The following PBX1 variants were observed in gnomAD, a reference collection of about 807,000 sequenced individuals.
The protein encoded by PBX1 is pre-B-cell leukemia transcription factor 1.
Under a neutral mutation model 53.4 loss-of-function variants are expected in PBX1, and 6 were observed. That is an observed-to-expected ratio of 0.11 (90% CI 0.06 to 0.22). The LOEUF (loss-of-function observed/expected upper bound fraction) is 0.22, where lower values mean the gene tolerates loss of function less well. Ranked by LOEUF, PBX1 falls within the 10% of genes least tolerant of loss-of-function variation. The probability of loss-of-function intolerance (pLI) is 1.00; values close to 1 mark genes in which losing one functional copy is unlikely to be tolerated. For missense variants in PBX1, 251 were observed against 551.4 expected (o/e 0.46, Z 5.46); for synonymous variants, 204 against 212.3 (o/e 0.96, Z 0.34).
intron 2 of PBX1, among the ~76,000 whole-genome samples, chr1:164,716,792 G>T (rs1214991767): frequency 6.7e-6 from 1 of 150,168 alleles, no homozygotes; most frequent in East Asian, 2.0e-4. Flanking sequence ...GCCAAAACAT[G>T]CATAGTATCT....
intron 5 of PBX1, among the ~76,000 whole-genome samples, chr1:164,808,558 G>A (rs1165249705): frequency 6.6e-6 from 1 of 152,192 alleles, no homozygotes; most frequent in East Asian, 1.9e-4. Context: ...GGAGGGAGTA[G>A]TGAAGGCTAC....
At chr1:164,560,151 A>G (rs114718992) in intron 1 of PBX1, 138 bp downstream of exon 1, 13,719 of 652,726 alleles carry the variant, frequency 0.021, 210 homozygotes, top group Non-Finnish European at 0.026. Flanking sequence ...ACAAGCAACT[A>G]CATGGCGGAG....
At chr1:164,809,202 G>A (rs567065264) in intron 5 of PBX1, among the ~76,000 whole-genome samples, 2 of 152,070 alleles carry the variant, frequency 1.3e-5, no homozygotes, top group Non-Finnish European at 2.9e-5. Context: ...TCAACTTCCT[G>A]TTGAAGGTAA....
intron 2 of PBX1, among the ~76,000 whole-genome samples, chr1:164,883,869 T>C (rs1277177716): frequency 6.6e-6 from 1 of 152,230 alleles, no homozygotes; most frequent in Non-Finnish European, 1.5e-5. Context: ...GGCTGGGTTC[T>C]ATGTACAATT....
intron 2 of PBX1, chr1:164,605,083 G>A (rs961362404): frequency 7.2e-5 from 11 of 152,006 alleles, no homozygotes; most frequent in Non-Finnish European, 1.6e-4. Context: ...CCTAGTCCAG[G>A]GTATTAAATG....
chr1:164,650,164 T>C (rs1187716187), intron 2 of PBX1, among the ~76,000 whole-genome samples: 1 of 151,986 alleles, frequency 6.6e-6, no homozygotes, highest in Non-Finnish European at 1.5e-5. Flanking sequence ...TTGGAGACTT[T>C]TTGGAGATGG....
intron 2 of PBX1, among the ~76,000 whole-genome samples, chr1:164,633,722 A>T (rs1175919333): frequency 6.6e-6 from 1 of 152,194 alleles, no homozygotes; most frequent in Non-Finnish European, 1.5e-5. Context: ...CTTCAATTAC[A>T]TGCTAGTTGT....
chr1:164,667,886 C>T (rs1181994527), intron 2 of PBX1, among the ~76,000 whole-genome samples: 85 of 152,264 alleles, frequency 5.6e-4, no homozygotes, highest in Non-Finnish European at 1.5e-4. Context: ...TTGTTGTTTC[C>T]TAGCCTTTCC....
intron 2 of PBX1, among the ~76,000 whole-genome samples, chr1:164,573,484 CTT>C (rs747696401): frequency 3.8e-4 from 40 of 104,588 alleles, no homozygotes; most frequent in Admixed American, 4.0e-4. Context: ...TACAGCACAT[CTT>C]TTTTTTTTTT....
intron 2 of PBX1, among the ~76,000 whole-genome samples, chr1:164,787,244 T>G (rs1460200020): frequency 6.6e-6 from 1 of 152,164 alleles, no homozygotes; most frequent in Non-Finnish European, 1.5e-5. Context: ...ACCTTGTGCC[T>G]TTCCCCAGAC....
At chr1:164,855,959 A>G (rs1164000789), downstream of PBX1, among the ~76,000 whole-genome samples, 1 of 152,196 alleles carries the variant, frequency 6.6e-6, no homozygotes, top group Admixed American at 6.5e-5. Flanking sequence ...TGGTATTCAT[A>G]TACATATTTG....
chr1:164,729,614 A>G (rs1482733367), intron 2 of PBX1, among the ~76,000 whole-genome samples: 2 of 152,214 alleles, frequency 1.3e-5, no homozygotes, highest in Non-Finnish European at 2.9e-5. Flanking sequence ...TTTTGAAAGA[A>G]GTAGATATGG....
intron 2 of PBX1, among the ~76,000 whole-genome samples, chr1:164,859,414 C>G (rs1210823541): frequency 1.3e-5 from 2 of 152,158 alleles, no homozygotes; most frequent in Non-Finnish European, 2.9e-5. Flanking sequence ...AACCATTTAT[C>G]CTCTGCACCC....
At position 164,848,526 on chromosome 1, in the gene PBX1, C is replaced by G. The variant is rs1000180944; in HGVS notation, c.*1850C>G. On this transcript the variant is annotated 3_prime_UTR_variant, in exon 9 of 9. Coordinates refer to ENST00000420696, the MANE Select transcript of PBX1 (RefSeq NM_002585.4). ...ATAAATGGTTTTCTTGTTGTAACTT[C>G]TGGTTAATATCAGTACCTTGATGTC... 9.4e-7 allele frequency: 1 copy of G among 1,059,446 alleles called. No homozygotes were observed. The highest frequency in any genetic ancestry group is 1.1e-6 in the Non-Finnish European group (1 of 875,684). The allele number at this position is 1,059,446 out of a possible 1,614,324, so 65.6% of individuals were successfully genotyped here.
At chr1:164,599,687 A>G (rs1016794011) in intron 2 of PBX1, among the ~76,000 whole-genome samples, 1 of 152,138 alleles carries the variant, frequency 6.6e-6, no homozygotes, top group Non-Finnish European at 1.5e-5. Context: ...TTGCTCTGTT[A>G]TATAATATAA....
chr1:164,687,569 A>C (rs1266237695), intron 2 of PBX1, among the ~76,000 whole-genome samples: 1 of 149,018 alleles, frequency 6.7e-6, no homozygotes, highest in Admixed American at 6.7e-5. Flanking sequence ...TCTAAAAAAA[A>C]AAAAAAAAAA....
intron 3 of PBX1, among the ~76,000 whole-genome samples, chr1:164,796,038 G>A (rs1267031532): frequency 6.9e-6 from 1 of 145,896 alleles, no homozygotes; most frequent in Non-Finnish European, 1.5e-5. Context: ...TTTTTTTTGA[G>A]ATGGAGTCTT....
intron 2 of PBX1, among the ~76,000 whole-genome samples, chr1:164,790,809 A>T (rs1370813148): frequency 6.6e-6 from 1 of 152,286 alleles, no homozygotes; most frequent in East Asian, 1.9e-4. Context: ...TTATGCTGGT[A>T]TTATATGTGA....
intron 2 of PBX1, among the ~76,000 whole-genome samples, chr1:164,711,147 G>T (rs906225547): frequency 1.3e-5 from 2 of 152,254 alleles, no homozygotes; most frequent in Admixed American, 6.5e-5. Context: ...GAAAGAACAG[G>T]GTGGCTGCTG....
Sources: gnomAD v4.1 joint callset for allele counts (sites outside exome capture counted in the v4.1 genomes callset) on GRCh38, gnomAD v4.1.1 for gene constraint, MANE v1.5 for transcripts, NCBI Gene and HGNC (gene_info 2026-07-23, HGNC 2026-07-21) for gene names.